The following ITSN2 variants were observed in gnomAD, a reference collection of about 807,000 sequenced individuals.
ITSN2 encodes intersectin 2.
Under a neutral mutation model 243.7 loss-of-function variants are expected in ITSN2, and 156 were observed. The ratio of observed to expected loss-of-function variants is 0.64; its 90% CI spans 0.56 to 0.73. The LOEUF is 0.73. ITSN2 is among the 30% of genes least tolerant of loss of function. ITSN2 has a pLI of 0.00. For missense variants in ITSN2, 1,801 were observed against 1,996.1 expected, an observed-to-expected ratio of 0.90 and a Z score of 1.86; for synonymous variants, 703 against 699.9, an observed-to-expected ratio of 1.00 and a Z score of -0.07.
At chr2:24,260,447 C>A (rs1215750913) in intron 22 of ITSN2, among the ~76,000 whole-genome samples, 1 of 150,436 alleles carries the variant, frequency 6.6e-6, no homozygotes, top group Non-Finnish European at 1.5e-5. Context: ...TTCTAACGTT[C>A]CCAAATAACT....
intron 1 of ITSN2, among the ~76,000 whole-genome samples, chr2:24,340,010 T>G (rs757021768): frequency 2.0e-5 from 3 of 151,928 alleles, no homozygotes; most frequent in Non-Finnish European, 2.9e-5. Flanking sequence ...CACTCCAGCT[T>G]GGGTAACAAA....
chr2:24,318,583 A>G (rs1295456933), intron 2 of ITSN2, among the ~76,000 whole-genome samples: 2 of 152,224 alleles, frequency 1.3e-5, no homozygotes, highest in African/African-American at 4.8e-5. Context: ...GTCTCCAGAA[A>G]GGATTCATTG....
intron 26 of ITSN2, 21 bp from the exon 27 acceptor site, chr2:24,248,771 C>T (rs1180114265): frequency 2.5e-6 from 4 of 1,612,884 alleles, no homozygotes; most frequent in Non-Finnish European, 2.5e-6. Flanking sequence ...AAAGAAGAAA[C>T]TATGAATTCA....
intron 17 of ITSN2, 95 bp from the exon 18 acceptor site, chr2:24,275,944 T>C: frequency 1.1e-6 from 1 of 888,260 alleles, no homozygotes; most frequent in Non-Finnish European, 1.6e-6. Context: ...ATAAAAATCC[T>C]ATAGCAAGTT....
At chr2:24,312,860 A>G (rs1683423302) in intron 4 of ITSN2, among the ~76,000 whole-genome samples, 1 of 152,142 alleles carries the variant, frequency 6.6e-6, no homozygotes, top group African/African-American at 2.4e-5. Context: ...AGCGAGGACT[A>G]ATTTGGGGTT....
chr2:24,254,229 C>G, intron 24 of ITSN2, 138 bp downstream of exon 24: 1 of 578,012 alleles, frequency 1.7e-6, no homozygotes, highest in Non-Finnish European at 3.1e-6. Flanking sequence ...GCAGGTTTTC[C>G]TAATCTCACT....
At chr2:24,255,606 C>A (rs1674916378) in intron 23 of ITSN2, among the ~76,000 whole-genome samples, 1 of 151,968 alleles carries the variant, frequency 6.6e-6, no homozygotes, top group Admixed American at 6.6e-5. Context: ...CCAGCCTGGG[C>A]TACAGAGTGA....
chr2:24,202,932 A>G lies in ITSN2; in HGVS notation c.*694T>C, dbSNP rs1481897583. 1 of 152,684 alleles carries G rather than the reference A, an allele frequency of 6.5e-6. No homozygotes were observed. The highest frequency in any genetic ancestry group is 1.5e-5 in the Non-Finnish European group (1 of 68,046). The allele number at this position is 152,684 out of a possible 1,614,324, so 9.5% of individuals were successfully genotyped here. ...GGGCAATGATAAAGCTTAAAGATGC[A>G]TGTCCTAAGAAATATGCAAAAACAA... On this transcript the variant is annotated 3_prime_UTR_variant, in exon 40 of 40. Coordinates refer to ENST00000355123, the MANE Select transcript of ITSN2 (RefSeq NM_006277.3).
chr2:24,223,819 G>T (rs1670719053), intron 29 of ITSN2, among the ~76,000 whole-genome samples: 1 of 6,544 alleles, frequency 1.5e-4, no homozygotes, highest in South Asian at 3.0e-3. Context: ...GGAAGGGAAG[G>T]AAGGGAAAAA....
At chr2:24,241,510 A>T (rs1223668227) in intron 29 of ITSN2, 1 of 152,596 alleles carries the variant, frequency 6.6e-6, no homozygotes, top group East Asian at 1.9e-4. Context: ...TACCTGCCAG[A>T]GCAGGCCACT....
At position 24,303,877 on chromosome 2, in the gene ITSN2, A is replaced by G; in HGVS notation, c.794-15T>C. The G allele has an allele frequency of 6.4e-7, 1 of 1,558,464 alleles. No homozygotes were observed. Among genetic ancestry groups the G allele is most frequent in the East Asian group, 2.2e-5 (1 of 44,542 alleles). ...AGCTTGAAAACCTGATTAAGTGGGG[A>G]AAATCATAAAGGAATTCTTTAGCAT... On this transcript the variant is annotated splice_polypyrimidine_tract_variant and intron_variant, in intron 8 of 39. Coordinates refer to ENST00000355123, the MANE Select transcript of ITSN2 (RefSeq NM_006277.3).
intron 10 of ITSN2, 48 bp downstream of exon 10, chr2:24,301,917 T>A: frequency 6.5e-7 from 1 of 1,537,592 alleles, no homozygotes; most frequent in Non-Finnish European, 8.8e-7. Flanking sequence ...CTAAATCACA[T>A]CTGCCAAGTT....
chr2:24,243,877 A>C (rs1310671154), intron 29 of ITSN2, among the ~76,000 whole-genome samples: 1 of 152,228 alleles, frequency 6.6e-6, no homozygotes, highest in African/African-American at 2.4e-5. Context: ...TTAAATTAAA[A>C]ATTGAGTTTC....
intron 29 of ITSN2, among the ~76,000 whole-genome samples, chr2:24,227,288 T>TA (rs55652738): frequency 8.7e-5 from 10 of 114,806 alleles, no homozygotes; most frequent in South Asian, 3.0e-4. Context: ...GAGCTCAAAG[T>TA]AAAAAAAAAA....
rs1212151892 is a variant in ITSN2 at position 24,308,599 on chromosome 2, G to C, written c.793+18C>G. The C allele has an allele frequency of 1.4e-6, 2 of 1,431,214 alleles. No homozygotes were observed. Among genetic ancestry groups the C allele is most frequent in the African/African-American group, 2.9e-5 (2 of 68,774 alleles). 88.7% of individuals were successfully genotyped at this position (1,431,214 alleles called of 1,614,324 possible). ...AAAAGACCCTTTTTCATGCTCTTCA[G>C]CACTGTATGCTGCTTACCTGAGAGA... On this transcript the variant is annotated intron_variant, in intron 8 of 39. Transcript: ENST00000355123.
chr2:24,332,156 C>T (rs1389912136), intron 1 of ITSN2, among the ~76,000 whole-genome samples: 2 of 152,208 alleles, frequency 1.3e-5, no homozygotes, highest in Non-Finnish European at 1.5e-5. Context: ...GCAGGAGAAT[C>T]GCTTGAACCC....
At chr2:24,360,250 G>C (rs10208947) in intron 1 of ITSN2, 54 bp downstream of exon 1, 148,993 of 152,352 alleles carry the variant, frequency 0.98, 72,849 homozygotes, top group East Asian at 0.99. Context: ...CAGCGGGCGC[G>C]GCGCCCGCAC....
intron 20 of ITSN2, among the ~76,000 whole-genome samples, chr2:24,268,008 T>C (rs1416439641): frequency 6.6e-6 from 1 of 152,256 alleles, no homozygotes; most frequent in African/African-American, 2.4e-5. Flanking sequence ...TCATTTATAG[T>C]TGTAATTAAT....
Position 24,220,877 on chromosome 2 carries a change from C to G in ITSN2, c.3699+68G>C, listed in dbSNP as rs1260547061. On this transcript the variant is annotated intron_variant, in intron 30 of 39. Transcript: ENST00000355123. ...ACTCTGCGTGGAGGCAGCCCTGAGTCTGATGCCCACCATCTCTCATGAGAG... is the reference window on the plus strand; with the variant it reads ...ACTCTGCGTGGAGGCAGCCCTGAGTGTGATGCCCACCATCTCTCATGAGAG... 3.3e-6 allele frequency: 5 copies of G among 1,521,226 alleles called. No individual in the cohort carries two copies. In the African/African-American group the frequency reaches 7.1e-5, roughly 22 times the overall value. The allele number at this position is 1,521,226 out of a possible 1,614,324, so 94.2% of individuals were successfully genotyped here.
Sources: gnomAD v4.1 joint callset for allele counts (sites outside exome capture counted in the v4.1 genomes callset) on GRCh38, gnomAD v4.1.1 for gene constraint, MANE v1.5 for transcripts, NCBI Gene and HGNC (gene_info 2026-07-23, HGNC 2026-07-21) for gene names.